TYW1: variants seen among roughly 807,000 people sequenced by gnomAD.
TYW1 encodes the protein tRNA-yW synthesizing protein 1 homolog.
TYW1 carries 46 observed loss-of-function variants against 96.2 expected under a neutral mutation model. The ratio of observed to expected loss-of-function variants is 0.48; its 90% CI spans 0.38 to 0.61. The LOEUF (loss-of-function observed/expected upper bound fraction) is 0.61, where lower values mean the gene tolerates loss of function less well. Ranked by LOEUF, TYW1 falls within the 20% of genes least tolerant of loss-of-function variation. The probability of loss-of-function intolerance (pLI) is 0.00; values close to 1 mark genes in which losing one functional copy is unlikely to be tolerated. For synonymous variants in TYW1, 274 were observed against 323.0 expected (o/e 0.85, Z 1.63); for missense variants, 684 against 909.6 (o/e 0.75, Z 3.19).
intron 11 of TYW1, among the ~76,000 whole-genome samples, chr7:67,084,053 T>C (rs1301763488): frequency 6.6e-6 from 1 of 152,148 alleles, no homozygotes. Flanking sequence ...AATAAATAAA[T>C]AAAAAGTTTA....
chr7:67,060,438 A>G (rs1795662045), intron 9 of TYW1, among the ~76,000 whole-genome samples: 1 of 152,242 alleles, frequency 6.6e-6, no homozygotes, highest in African/African-American at 2.4e-5. Flanking sequence ...AGTTTGCATA[A>G]TGGCTTTGAG....
At chr7:67,074,166 C>T (rs571848630) in intron 10 of TYW1, among the ~76,000 whole-genome samples, 7 of 151,972 alleles carry the variant, frequency 4.6e-5, no homozygotes, top group Non-Finnish European at 8.8e-5. Context: ...ATAGGGTGAG[C>T]GCTTGCAAGA....
intron 15 of TYW1, among the ~76,000 whole-genome samples, chr7:67,199,773 A>G (rs1351000627): frequency 6.6e-6 from 1 of 152,176 alleles, no homozygotes; most frequent in East Asian, 1.9e-4. Flanking sequence ...CTCTAATTAA[A>G]TCCCTCATAT....
At chr7:67,164,632 C>T (rs142152096) in intron 13 of TYW1, among the ~76,000 whole-genome samples, 3 of 151,334 alleles carry the variant, frequency 2.0e-5, no homozygotes, top group African/African-American at 7.3e-5. Context: ...AAAAGTTACC[C>T]CTTGTCAACA....
chr7:67,197,569 A>G (rs1800441779), intron 15 of TYW1, among the ~76,000 whole-genome samples: 1 of 152,068 alleles, frequency 6.6e-6, no homozygotes, highest in Admixed American at 6.6e-5. Context: ...CAAGTGATAC[A>G]CCTGTCTCAG....
chr7:67,195,153 T>G lies in TYW1; in HGVS notation c.1810-17T>G. The G allele has an allele frequency of 6.2e-7, 1 of 1,612,994 alleles. No homozygotes were observed. Among genetic ancestry groups the G allele is most frequent in the African/African-American group, 1.3e-5 (1 of 74,928 alleles). On this transcript the variant is annotated splice_polypyrimidine_tract_variant and intron_variant, in intron 14 of 15. Coordinates refer to ENST00000359626, the MANE Select transcript of TYW1 (RefSeq NM_018264.4). ...GTAGGTCTGTAGTCATCTCTGATGG[T>G]TATACTGTTTCCACAGGGCGTTACC...
chr7:66,997,196 T>C (rs139841218), intron 1 of TYW1, among the ~76,000 whole-genome samples: 29 of 152,336 alleles, frequency 1.9e-4, no homozygotes, highest in African/African-American at 7.0e-4. Flanking sequence ...GACAGAAAAC[T>C]ACCCCTCCCA....
chr7:67,072,247 A>AAT (rs1706894778), intron 10 of TYW1, among the ~76,000 whole-genome samples: 2 of 103,092 alleles, frequency 1.9e-5, no homozygotes, highest in Non-Finnish European at 4.2e-5. Context: ...CCCTCTACCC[A>AAT]CTTTTTTTTT....
intron 13 of TYW1, among the ~76,000 whole-genome samples, chr7:67,155,056 A>G (rs1373739267): frequency 6.6e-6 from 1 of 152,042 alleles, no homozygotes; most frequent in Non-Finnish European, 1.5e-5. Flanking sequence ...GTATCTTTGT[A>G]TTGTTGATCT....
At chr7:67,077,089 G>A (rs1796231510) in intron 10 of TYW1, among the ~76,000 whole-genome samples, 1 of 152,022 alleles carries the variant, frequency 6.6e-6, no homozygotes, top group Non-Finnish European at 1.5e-5. Flanking sequence ...CTTTTTTATA[G>A]GGCTAAATAA....
chr7:67,160,166 G>T (rs1239638393), intron 13 of TYW1, among the ~76,000 whole-genome samples: 1 of 152,164 alleles, frequency 6.6e-6, no homozygotes, highest in Non-Finnish European at 1.5e-5. Flanking sequence ...GGAGGCTGAG[G>T]TGGGCGAATC....
chr7:67,222,279 C>A (rs909490737), intron 15 of TYW1, among the ~76,000 whole-genome samples: 5 of 152,110 alleles, frequency 3.3e-5, no homozygotes, highest in African/African-American at 1.2e-4. Flanking sequence ...CATATATTTA[C>A]CTTTACTATG....
At chr7:67,144,656 A>C (rs1039908539) in intron 13 of TYW1, among the ~76,000 whole-genome samples, 2 of 152,064 alleles carry the variant, frequency 1.3e-5, no homozygotes, top group Non-Finnish European at 2.9e-5. Context: ...TTTTTTATAG[A>C]GACAGGGTTT....
intron 12 of TYW1, among the ~76,000 whole-genome samples, chr7:67,101,246 C>CTT (rs1277445475): frequency 6.6e-6 from 1 of 152,120 alleles, no homozygotes; most frequent in Non-Finnish European, 1.5e-5. Flanking sequence ...ACCCAAGAGA[C>CTT]TTTTCCCTTA....
chr7:66,998,732 T>C, intron 2 of TYW1, 85 bp from the exon 3 acceptor site: 4 of 1,447,408 alleles, frequency 2.8e-6, no homozygotes, highest in Non-Finnish European at 3.8e-6. Flanking sequence ...ATAAAATGTG[T>C]CAGTATCTGT....
chr7:67,050,449 A>C (rs541522566), intron 8 of TYW1, among the ~76,000 whole-genome samples: 46 of 152,280 alleles, frequency 3.0e-4, no homozygotes, highest in African/African-American at 1.1e-3. Context: ...TAGTTGCATG[A>C]ATGAGTAATA....
At chr7:67,016,323 G>A (rs1285592894) in intron 5 of TYW1, among the ~76,000 whole-genome samples, 7 of 151,256 alleles carry the variant, frequency 4.6e-5, no homozygotes, top group East Asian at 4.1e-4. Flanking sequence ...AGAGGCGGGC[G>A]GATCACCTGA....
At chr7:67,152,886 CCA>C (rs770217741) in intron 13 of TYW1, among the ~76,000 whole-genome samples, 78 of 152,268 alleles carry the variant, frequency 5.1e-4, no homozygotes, top group Non-Finnish European at 8.7e-4. Context: ...CAGGCGTGAG[CCA>C]CCATGCCCTG....
chr7:67,207,689 TTTTTGGAGATGGAGTCATTTTGTTTGCC>T, intron 15 of TYW1, among the ~76,000 whole-genome samples: 4 of 148,178 alleles, frequency 2.7e-5, no homozygotes, highest in Admixed American at 6.7e-5. Context: ...GCCTTTTTTT[TTTTTGGAGATGGAGTCATTTTGTTTGCC>T]TTTTTTTTTT....
Sources: gnomAD v4.1 joint callset for allele counts (sites outside exome capture counted in the v4.1 genomes callset) on GRCh38, gnomAD v4.1.1 for gene constraint, MANE v1.5 for transcripts, NCBI Gene and HGNC (gene_info 2026-07-23, HGNC 2026-07-21) for gene names.